The following GALNT18 variants were observed in gnomAD, a reference collection of about 807,000 sequenced individuals.
GALNT18 encodes the protein polypeptide N-acetylgalactosaminyltransferase 18.
A neutral mutation model predicts 69.5 loss-of-function variants in GALNT18; 44 were observed. The observed-to-expected ratio is 0.63, with a 90% CI of 0.50 to 0.81. GALNT18 has a LOEUF of 0.81. GALNT18 is among the 40% of genes least tolerant of loss of function. The pLI, the probability that GALNT18 is intolerant of heterozygous loss-of-function variation, is 0.00. For missense variants in GALNT18, 715 were observed against 810.0 expected, an observed-to-expected ratio of 0.88 and a Z score of 1.42; for synonymous variants, 364 against 318.2, an observed-to-expected ratio of 1.14 and a Z score of -1.53.
Position 11,347,715 on chromosome 11 carries a change from G to A in GALNT18, c.1093-6711C>T, listed in dbSNP as rs1850327780. Among the ~76,000 whole-genome samples, 1 of 152,188 alleles carries A rather than the reference G, an allele frequency of 6.6e-6. No individual in the cohort carries two copies. The highest frequency in any genetic ancestry group is 6.5e-5 in the Admixed American group (1 of 15,282). On this transcript the variant is annotated intron_variant, in intron 6 of 10. Transcript: ENST00000227756. This position sits in a 1 kb window ranked among gnomAD's most constrained non-coding sequence, Gnocchi z 4.0. The stretch of plus-strand genomic sequence containing the variant: ...TCCACATCCATCCAAAGCCGGCCTG[G>A]CCCAGCTCCTCCAAACTCTTGGAAC...
At chr11:11,306,223 A>ATG (rs1849575825) in intron 9 of GALNT18, among the ~76,000 whole-genome samples, 1 of 137,752 alleles carries the variant, frequency 7.3e-6, no homozygotes, top group East Asian at 2.1e-4. Context: ...CTGTGTGTGC[A>ATG]TGTGTGTGTG....
chr11:11,300,320 G>A (rs1849471485), intron 9 of GALNT18, among the ~76,000 whole-genome samples: 1 of 152,164 alleles, frequency 6.6e-6, no homozygotes, highest in East Asian at 1.9e-4. Flanking sequence ...GGCTGAAACT[G>A]TCCTGGGCCT....
rs56791321 is a variant in GALNT18 at position 11,497,750 on chromosome 11, C to CTATATATATA, written c.236-48824_236-48815dup. ...ATGTGTATGTGCATATACATATTTTCTATATATATATATATATACACACAC... is the reference window on the plus strand; with the variant it reads ...ATGTGTATGTGCATATACATATTTTCTATATATATATATATATATATATATATACACACAC... On this transcript the variant is annotated intron_variant, in intron 1 of 10. Coordinates refer to ENST00000227756, the MANE Select transcript of GALNT18 (RefSeq NM_198516.3). The surrounding 1 kb of genome is among the most constrained non-coding windows in gnomAD (Gnocchi z 4.2). Among the ~76,000 whole-genome samples the CTATATATATA allele has an allele frequency of 5.8e-4, 84 of 144,926 alleles. No homozygotes were observed. Among genetic ancestry groups the CTATATATATA allele is most frequent in the Non-Finnish European group, 6.8e-4 (45 of 66,440 alleles).
At chr11:11,491,575 C>T (rs1367386884) in intron 1 of GALNT18, among the ~76,000 whole-genome samples, 1 of 152,242 alleles carries the variant, frequency 6.6e-6, no homozygotes, top group Admixed American at 6.5e-5. Context: ...TAAAACCTCC[C>T]TATGGATTTG....
At chr11:11,405,107 C>T (rs150141068) in intron 3 of GALNT18, among the ~76,000 whole-genome samples, 4 of 152,280 alleles carry the variant, frequency 2.6e-5, no homozygotes, top group East Asian at 1.9e-4. Flanking sequence ...CCTTGAGCCC[C>T]GGCCGTGGCA....
At chr11:11,408,222 C>T (rs1050362635) in intron 3 of GALNT18, among the ~76,000 whole-genome samples, 1 of 151,842 alleles carries the variant, frequency 6.6e-6, no homozygotes, top group Non-Finnish European at 1.5e-5. Flanking sequence ...AAAAATTAGC[C>T]GGGTTTGGGG....
intron 1 of GALNT18, among the ~76,000 whole-genome samples, chr11:11,516,459 C>G (rs1459690657): frequency 1.3e-5 from 2 of 152,108 alleles, no homozygotes; most frequent in Non-Finnish European, 2.9e-5. Context: ...TGGTGAAACC[C>G]CATCTCTACT....
chr11:11,566,132 A>G (rs1858645228), intron 1 of GALNT18, among the ~76,000 whole-genome samples: 1 of 152,220 alleles, frequency 6.6e-6, no homozygotes. Context: ...GCAAAGCATG[A>G]GCCTTGATTA....
rs1860092384 is a variant in GALNT18, at chr11:11,617,780, T to C, written c.235+3579A>G. Among the ~76,000 whole-genome samples the C allele has an allele frequency of 6.6e-6, 1 of 152,352 alleles. No individual in the cohort carries two copies. Among genetic ancestry groups the C allele is most frequent in the South Asian group, 2.1e-4 (1 of 4,826 alleles). On this transcript the variant is annotated intron_variant, in intron 1 of 10. Coordinates refer to ENST00000227756, the MANE Select transcript of GALNT18 (RefSeq NM_198516.3). The surrounding 1 kb of genome is among the most constrained non-coding windows in gnomAD (Gnocchi z 4.7). ...GAACTGAATCAACATTTCCATTTCC[T>C]GCACTCTCCAACACTGAGAACTCCT...
rs1004828556 is a variant in GALNT18, at chr11:11,613,568, T to G, written c.235+7791A>C. Reference sequence around the variant, plus strand: ...CACATGCCTTGTATGTAGGCCTATGTGTGAGGAAGGGGGAAACATCAAGGA... The same window carrying G: ...CACATGCCTTGTATGTAGGCCTATGGGTGAGGAAGGGGGAAACATCAAGGA... On this transcript the variant is annotated intron_variant, in intron 1 of 10. Transcript: ENST00000227756. The surrounding 1 kb of genome is among the most constrained non-coding windows in gnomAD (Gnocchi z 4.2). Among the ~76,000 whole-genome samples the G allele has an allele frequency of 6.6e-6, 1 of 152,194 alleles. No homozygotes were observed. The highest frequency in any genetic ancestry group is 6.5e-5 in the Admixed American group (1 of 15,284).
At chr11:11,475,168 C>A (rs1394486476) in intron 1 of GALNT18, 1 of 141,270 alleles carries the variant, frequency 7.1e-6, no homozygotes, top group East Asian at 2.1e-4. Flanking sequence ...AGTGAATAAC[C>A]AAACAAGATC....
In GALNT18 at chr11:11,379,123, A is replaced by G; in HGVS notation, c.737T>C (p.Val246Ala). 6.2e-7 allele frequency: 1 copy of G among 1,610,564 alleles called. No homozygotes were observed. The highest frequency in any genetic ancestry group is 8.5e-7 in the Non-Finnish European group (1 of 1,179,846). ...CACGTGGGCATCAAAGAGTGCCACC[A>G]CAGGGGCAGTGGCCGCCCTCCAGCC... The part of the protein sequence containing the change: ...VSGWRAATAP[V>A]VALFDAHVEF... Residue 246 changes from valine to alanine, a missense_variant, in exon 4 of 11, where the codon GTG becomes GCG. Transcript: ENST00000227756.
intron 6 of GALNT18, among the ~76,000 whole-genome samples, chr11:11,348,381 GA>G (rs71988944): frequency 0.016 from 1,269 of 77,052 alleles, 9 homozygotes; most frequent in African/African-American, 0.036. Flanking sequence ...TTCGTCTCAG[GA>G]AAAAAAAAAA....
chr11:11,572,897 T>C (rs72853815), intron 1 of GALNT18, among the ~76,000 whole-genome samples: 15,115 of 152,290 alleles, frequency 0.099, 958 homozygotes, highest in Middle Eastern at 0.16. Context: ...CTTAAAACAA[T>C]GGCCCCTTAA....
chr11:11,363,877 T>C (rs902796028), intron 6 of GALNT18, among the ~76,000 whole-genome samples: 1 of 151,138 alleles, frequency 6.6e-6, no homozygotes, highest in Non-Finnish European at 1.5e-5. Flanking sequence ...ACCCTCCTCA[T>C]GGCAGGGAAG....
chr11:11,297,008 C>T (rs1055327666), intron 9 of GALNT18, among the ~76,000 whole-genome samples: 1 of 152,104 alleles, frequency 6.6e-6, no homozygotes, highest in Non-Finnish European at 1.5e-5. Flanking sequence ...GACTCTGGAA[C>T]GTTTAAGGCA....
chr11:11,442,109 C>T (rs1590005126), intron 2 of GALNT18, among the ~76,000 whole-genome samples: 1 of 152,220 alleles, frequency 6.6e-6, no homozygotes, highest in Non-Finnish European at 1.5e-5. Flanking sequence ...GCATTACTTT[C>T]TCAGGAAGAC....
chr11:11,289,379 G>T (rs4910294), intron 10 of GALNT18, among the ~76,000 whole-genome samples: 134,182 of 152,248 alleles, frequency 0.88, 59,315 homozygotes, highest in African/African-American at 0.93. Context: ...GGAGTTTTAA[G>T]TAGACATATG....
Position 11,315,283 on chromosome 11 carries a change from C to T in GALNT18, c.1512+11803G>A, listed in dbSNP as rs1849733190. Among the ~76,000 whole-genome samples, 6 of 152,184 alleles carry T rather than the reference C, an allele frequency of 3.9e-5. No individual in the cohort carries two copies. The highest frequency in any genetic ancestry group is 3.9e-4 in the Admixed American group (6 of 15,278). On this transcript the variant is annotated intron_variant, in intron 9 of 10. Coordinates refer to ENST00000227756, the MANE Select transcript of GALNT18 (RefSeq NM_198516.3). This position sits in a 1 kb window ranked among gnomAD's most constrained non-coding sequence, Gnocchi z 5.6. ...GAGATTCACAGCCAGGTGGACCTAG[C>T]AAGGTCCATTCACTTCCTTTCAGTG...
Sources: allele counts gnomAD v4.1 joint callset (sites outside exome capture counted in the v4.1 genomes callset), GRCh38; gene constraint gnomAD v4.1.1; non-coding constraint Gnocchi (gnomAD v3.1); transcripts MANE v1.5; gene names NCBI Gene and HGNC (gene_info 2026-07-23, HGNC 2026-07-21).